PLEKHG1: variants seen among roughly 807,000 people sequenced by gnomAD.
PLEKHG1 encodes pleckstrin homology domain-containing family G member 1.
Under a neutral mutation model 100.8 loss-of-function variants are expected in PLEKHG1, and 44 were observed. The ratio of observed to expected loss-of-function variants is 0.44; its 90% CI spans 0.34 to 0.56. The LOEUF is 0.56. PLEKHG1 is among the 20% of genes least tolerant of loss of function. PLEKHG1 has a pLI of 0.01. For missense variants in PLEKHG1, 1,545 were observed against 1,720.9 expected, an observed-to-expected ratio of 0.90 and a Z score of 1.81; for synonymous variants, 640 against 662.5, an observed-to-expected ratio of 0.97 and a Z score of 0.52.
chr6:150,831,659 GAAGAC>G lies in PLEKHG1; in HGVS notation c.2552_2556del (p.Asp851GlyfsTer15). The stretch of plus-strand genomic sequence containing the variant: ...CCTGGAAAATTACATCAAGAAAAAT[GAAGAC>G]AAGGCCAGAGACCGTCTCCTGGCAG... On this transcript the variant is annotated frameshift_variant, in exon 15 of 16. Transcript: ENST00000358517. LOFTEE classifies it high-confidence loss of function. The surrounding 1 kb of genome is among the most constrained non-coding windows in gnomAD (Gnocchi z 4.1). 6.2e-7 allele frequency: 1 copy of G among 1,613,314 alleles called. No individual in the cohort carries two copies.
intron 3 of PLEKHG1, chr6:150,651,876 C>A (rs1486411358): frequency 6.6e-6 from 1 of 151,848 alleles, no homozygotes; most frequent in East Asian, 1.9e-4. Context: ...AAAAAAAAGT[C>A]TTTAACTATT....
At chr6:150,721,115 A>T in exon 1 of PLEKHG1, 1 of 982,496 alleles carries the variant, frequency 1.0e-6, no homozygotes, top group Non-Finnish European at 1.2e-6. Flanking sequence ...CGCTGCACAG[A>T]CTAGCAAAGG....
At chr6:150,780,098 A>G (rs917765386) in intron 3 of PLEKHG1, among the ~76,000 whole-genome samples, 3 of 151,840 alleles carry the variant, frequency 2.0e-5, no homozygotes, top group African/African-American at 7.3e-5. Context: ...ACACTGGCCC[A>G]GAAATGTTTC....
At chr6:150,788,277 C>G (rs1785753162) in intron 4 of PLEKHG1, among the ~76,000 whole-genome samples, 1 of 152,244 alleles carries the variant, frequency 6.6e-6, no homozygotes, top group African/African-American at 2.4e-5. Context: ...CTGCCTTTCA[C>G]TCAGCAGCCT....
At chr6:150,682,357 AC>A (rs1779964430) in intron 3 of PLEKHG1, among the ~76,000 whole-genome samples, 2 of 152,014 alleles carry the variant, frequency 1.3e-5, no homozygotes, top group African/African-American at 4.8e-5. Context: ...CACATGAGAA[AC>A]CAATGGCCCA....
At chr6:150,755,359 G>A (rs1036414102) in intron 2 of PLEKHG1, among the ~76,000 whole-genome samples, 1 of 152,234 alleles carries the variant, frequency 6.6e-6, no homozygotes, top group Non-Finnish European at 1.5e-5. Context: ...GTAATAAGCT[G>A]CTTAAGTAAA....
chr6:150,720,168 T>C (rs1253739624), upstream of PLEKHG1, among the ~76,000 whole-genome samples: 2 of 152,326 alleles, frequency 1.3e-5, no homozygotes, highest in Non-Finnish European at 2.9e-5. Flanking sequence ...AGTTCCACAG[T>C]GCAGTGGTAT....
chr6:150,724,128 A>G (rs754960134), intron 1 of PLEKHG1, among the ~76,000 whole-genome samples: 2 of 152,236 alleles, frequency 1.3e-5, no homozygotes, highest in African/African-American at 4.8e-5. Flanking sequence ...GTGCTCTGCC[A>G]TACCCTAGGG....
rs201616866 is a variant in PLEKHG1, at chr6:150,678,063, CATATATATATATAT to C, written c.-99+27304_-99+27317del. Among the ~76,000 whole-genome samples, 229 of 60,124 alleles carry C rather than the reference CATATATATATATAT, an allele frequency of 3.8e-3. 3 individuals are homozygous for C. The highest frequency in any genetic ancestry group is 9.1e-3 in the African/African-American group (153 of 16,808). 39.4% of individuals were successfully genotyped at this position (60,124 alleles called of 152,430 possible). ...TGGGATACAATGTGATGTTTTGATG[CATATATATATATAT>C]ATATATATATATATATATATATATA... On this transcript the variant is annotated intron_variant, in intron 3 of 3. Coordinates refer to the PLEKHG1 transcript ENST00000367326.
intron 2 of PLEKHG1, among the ~76,000 whole-genome samples, chr6:150,644,335 T>TTTTTTTTTTTTTTTTTTTTG (rs1778399026): frequency 1.6e-5 from 1 of 61,130 alleles, no homozygotes; most frequent in African/African-American, 4.4e-5. Context: ...TCTTTTCGTG[T>TTTTTTTTTTTTTTTTTTTTG]TTTTTTTTTT....
At chr6:150,634,199 G>A (rs1208476328) in intron 1 of PLEKHG1, among the ~76,000 whole-genome samples, 1 of 147,578 alleles carries the variant, frequency 6.8e-6, no homozygotes, top group African/African-American at 2.6e-5. Flanking sequence ...AGCTGAGATC[G>A]AGCCATTGCA....
intron 2 of PLEKHG1, among the ~76,000 whole-genome samples, chr6:150,755,279 A>G (rs1371470378): frequency 1.3e-5 from 2 of 152,160 alleles, no homozygotes; most frequent in African/African-American, 4.8e-5. Flanking sequence ...CCTGGCCGGC[A>G]TCCAGGACTT....
At chr6:150,748,499 T>C (rs1783291494) in intron 2 of PLEKHG1, among the ~76,000 whole-genome samples, 1 of 152,180 alleles carries the variant, frequency 6.6e-6, no homozygotes, top group African/African-American at 2.4e-5. Context: ...AAATATTTGC[T>C]GAGTAAATTT....
At chr6:150,749,398 T>G (rs1783367473) in intron 2 of PLEKHG1, among the ~76,000 whole-genome samples, 1 of 152,172 alleles carries the variant, frequency 6.6e-6, no homozygotes, top group Admixed American at 6.5e-5. Flanking sequence ...ACCAGAGCCT[T>G]GAGACAGAGG....
chr6:150,688,031 T>C (rs1213058847), intron 3 of PLEKHG1, among the ~76,000 whole-genome samples: 2 of 152,130 alleles, frequency 1.3e-5, no homozygotes, highest in East Asian at 3.9e-4. Context: ...CACTGCAAAA[T>C]AGTAAATTTG....
intron 3 of PLEKHG1, among the ~76,000 whole-genome samples, chr6:150,679,113 A>G (rs934600581): frequency 1.1e-4 from 17 of 152,336 alleles, no homozygotes; most frequent in African/African-American, 4.1e-4. Flanking sequence ...GATGTATGGT[A>G]GCCTTGCCTT....
chr6:150,668,372 A>C (rs1779480065), intron 3 of PLEKHG1, among the ~76,000 whole-genome samples: 2 of 152,224 alleles, frequency 1.3e-5, no homozygotes, highest in African/African-American at 4.8e-5. Context: ...AAAAGGAATG[A>C]TGGTTTTCTT....
rs551880461 is a variant in PLEKHG1, at chr6:150,685,855, AAG to A, written c.-99+35072_-99+35073del. 2.4e-3 allele frequency among the ~76,000 whole-genome samples: 359 copies of A among 152,326 alleles called. 1 individual carries two copies. Among genetic ancestry groups the A allele is most frequent in the African/African-American group, 7.4e-3 (307 of 41,558 alleles). ...GATGTAACTAGGGAAGGGGGGAAAA[AAG>A]AGTGAAATCAGGCATGGATCATTCC... On this transcript the variant is annotated intron_variant, in intron 3 of 3. Coordinates refer to the PLEKHG1 transcript ENST00000367326.
intron 3 of PLEKHG1, among the ~76,000 whole-genome samples, chr6:150,661,473 G>T (rs1267576116): frequency 6.6e-6 from 1 of 152,052 alleles, no homozygotes; most frequent in Non-Finnish European, 1.5e-5. Context: ...TTCTTTCCTT[G>T]TTAGACATAA....
Sources: allele counts gnomAD v4.1 joint callset (sites outside exome capture counted in the v4.1 genomes callset), GRCh38; gene constraint gnomAD v4.1.1; non-coding constraint Gnocchi (gnomAD v3.1); transcripts MANE v1.5; gene names NCBI Gene and HGNC (gene_info 2026-07-23, HGNC 2026-07-21).